DMRT1: variants seen among roughly 807,000 people sequenced by gnomAD.
DMRT1 encodes the protein doublesex and mab-3 related transcription factor 1, also known as doublesex- and mab-3-related transcription factor 1.
In DMRT1, 7 loss-of-function variants were observed where a neutral mutation model predicts 32.3. The ratio of observed to expected loss-of-function variants is 0.22; its 90% confidence interval spans 0.12 to 0.41. DMRT1 has a LOEUF of 0.41. DMRT1 is among the 10% of genes least tolerant of loss of function. The pLI, the probability that DMRT1 is intolerant of heterozygous loss-of-function variation, is 1.00. For synonymous variants in DMRT1, 278 were observed against 206.1 expected, an observed-to-expected ratio of 1.35 and a Z score of -2.99; for missense variants, 625 against 500.5, an observed-to-expected ratio of 1.25 and a Z score of -2.37.
intron 2 of DMRT1, among the ~76,000 whole-genome samples, chr9:867,016 A>C (rs1260285882): frequency 6.6e-6 from 1 of 152,174 alleles, no homozygotes; most frequent in Non-Finnish European, 1.5e-5. Flanking sequence ...TAAACTAGAG[A>C]GAATCCAGGG....
chr9:869,828 A>G (rs966301312), intron 2 of DMRT1, among the ~76,000 whole-genome samples: 2 of 151,920 alleles, frequency 1.3e-5, no homozygotes, highest in African/African-American at 4.8e-5. Flanking sequence ...CATTTGGTTT[A>G]TATTAGCTAT....
At chr9:940,793 C>T (rs1819039940) in intron 4 of DMRT1, among the ~76,000 whole-genome samples, 1 of 152,154 alleles carries the variant, frequency 6.6e-6, no homozygotes, top group Admixed American at 6.5e-5. Context: ...AATCATATGT[C>T]TGATAAGGAA....
chr9:895,734 A>T (rs947218661), intron 3 of DMRT1, among the ~76,000 whole-genome samples: 14 of 151,190 alleles, frequency 9.3e-5, no homozygotes, highest in Admixed American at 3.9e-4. Context: ...GGTGTACAGT[A>T]TATTATTAAG....
intron 3 of DMRT1, among the ~76,000 whole-genome samples, chr9:906,020 GAC>G (rs756949932): frequency 2.1e-5 from 1 of 48,100 alleles, no homozygotes; most frequent in South Asian, 2.1e-3. Flanking sequence ...ATGCTTCTGT[GAC>G]ACACACACCC....
At chr9:963,166 A>C (rs1248180077) in intron 4 of DMRT1, among the ~76,000 whole-genome samples, 1 of 152,148 alleles carries the variant, frequency 6.6e-6, no homozygotes, top group Non-Finnish European at 1.5e-5. Context: ...AATTTACCTG[A>C]TTCCATCTAT....
At chr9:953,448 A>AC (rs1456417610) in intron 4 of DMRT1, among the ~76,000 whole-genome samples, 2 of 152,180 alleles carry the variant, frequency 1.3e-5, no homozygotes, top group Admixed American at 1.3e-4. Flanking sequence ...ACATACATGC[A>AC]TTTATTTTCT....
At chr9:892,717 C>T (rs1455694332) in intron 2 of DMRT1, among the ~76,000 whole-genome samples, 2 of 152,190 alleles carry the variant, frequency 1.3e-5, no homozygotes, top group East Asian at 3.9e-4. Flanking sequence ...CCTCCTTGCT[C>T]AGAACTCAGT....
intron 1 of DMRT1, among the ~76,000 whole-genome samples, chr9:845,400 G>C (rs1280716115): frequency 6.6e-6 from 1 of 150,652 alleles, no homozygotes; most frequent in Non-Finnish European, 1.5e-5. Context: ...TAGAGATGGG[G>C]TTTCACCATA....
intron 2 of DMRT1, among the ~76,000 whole-genome samples, chr9:881,987 C>T (rs188559997): frequency 3.0e-4 from 45 of 152,318 alleles, no homozygotes; most frequent in African/African-American, 1.1e-3. Context: ...CTTTCATGGC[C>T]ATGAGACATT....
intron 4 of DMRT1, among the ~76,000 whole-genome samples, chr9:953,442 AC>A (rs1199834633): frequency 3.9e-5 from 6 of 152,190 alleles, no homozygotes; most frequent in Admixed American, 6.5e-5. Context: ...TGTTTCACAT[AC>A]ATGCATTTAT....
chr9:864,689 A>G (rs956849993), intron 2 of DMRT1, among the ~76,000 whole-genome samples: 3 of 147,958 alleles, frequency 2.0e-5, no homozygotes, highest in Non-Finnish European at 3.0e-5. Context: ...TTTAGTAGAG[A>G]CAGGGTTTCA....
chr9:861,203 T>G (rs1248993009), intron 2 of DMRT1, among the ~76,000 whole-genome samples: 1 of 152,026 alleles, frequency 6.6e-6, no homozygotes, highest in Non-Finnish European at 1.5e-5. Context: ...CAGAGGGCCC[T>G]GCCGCCTTCC....
At chr9:875,593 T>TGATGGTGTGAC (rs1457416166) in intron 2 of DMRT1, among the ~76,000 whole-genome samples, 1 of 152,152 alleles carries the variant, frequency 6.6e-6, no homozygotes, top group Admixed American at 6.5e-5. Flanking sequence ...AATATATGGA[T>TGATGGTGTGAC]GATGGTGTGA....
chr9:907,678 C>T (rs920314929), intron 3 of DMRT1, among the ~76,000 whole-genome samples: 1 of 152,176 alleles, frequency 6.6e-6, no homozygotes, highest in African/African-American at 2.4e-5. Flanking sequence ...TATTTACACA[C>T]ACATACACAA....
chr9:940,194 A>G (rs904998444), intron 4 of DMRT1, among the ~76,000 whole-genome samples: 2 of 152,084 alleles, frequency 1.3e-5, no homozygotes, highest in African/African-American at 4.8e-5. Flanking sequence ...CATTTAATGC[A>G]GCAATTCTAC....
chr9:913,904 T>G (rs1474175347), intron 3 of DMRT1, among the ~76,000 whole-genome samples: 1 of 152,008 alleles, frequency 6.6e-6, no homozygotes, highest in Non-Finnish European at 1.5e-5. Flanking sequence ...AACAATTTTT[T>G]TTAAAGGGTT....
intron 3 of DMRT1, among the ~76,000 whole-genome samples, chr9:902,638 G>A (rs995761746): frequency 7.9e-5 from 12 of 151,590 alleles, no homozygotes; most frequent in East Asian, 3.9e-4. Flanking sequence ...ACAGGCACAC[G>A]CCACCATACC....
At chr9:890,090 T>TTA (rs2132645251) in intron 2 of DMRT1, among the ~76,000 whole-genome samples, 1 of 145,524 alleles carries the variant, frequency 6.9e-6, no homozygotes, top group East Asian at 2.0e-4. Context: ...AACGTGTTTT[T>TTA]TTTTTTTTTT....
chr9:893,861 G>T lies in DMRT1; in HGVS notation c.539-51G>T, dbSNP rs372637533. On this transcript the variant is annotated intron_variant, in intron 2 of 4. Coordinates refer to ENST00000382276, the MANE Select transcript of DMRT1 (RefSeq NM_021951.3). ...TAGGAAGGTTTAGAAGTAAAGTTTC[G>T]TGGACTAACATTAATACCATGTTGT... 129 of 1,564,166 alleles carry T rather than the reference G, an allele frequency of 8.2e-5. No homozygotes were observed. In the African/African-American group the frequency reaches 1.5e-3, roughly 19 times the overall value.
Sources: gnomAD v4.1 joint callset for allele counts (sites outside exome capture counted in the v4.1 genomes callset) on GRCh38, gnomAD v4.1.1 for gene constraint, MANE v1.5 for transcripts, NCBI Gene and HGNC (gene_info 2026-07-23, HGNC 2026-07-21) for gene names.